SAMD3: variants seen among roughly 807,000 people sequenced by gnomAD.
SAMD3 encodes sterile alpha motif domain containing 3.
In SAMD3, 63 loss-of-function variants were observed where a neutral mutation model predicts 58.5. That is an observed-to-expected ratio of 1.08 (90% CI 0.88 to 1.33). The LOEUF is 1.33. Ranked by LOEUF, SAMD3 falls within the 40% of genes most tolerant of loss-of-function variation. The pLI, the probability that SAMD3 is intolerant of heterozygous loss-of-function variation, is 0.00. For synonymous variants in SAMD3, 220 were observed against 210.3 expected (o/e 1.05, Z -0.40); for missense variants, 604 against 608.4 (o/e 0.99, Z 0.08).
At chr6:130,260,037 T>C (rs1457065623) in intron 2 of SAMD3, among the ~76,000 whole-genome samples, 3 of 152,242 alleles carry the variant, frequency 2.0e-5, no homozygotes, top group Non-Finnish European at 4.4e-5. Context: ...TCTTTTGAAC[T>C]ATTGAGTTCT....
chr6:130,211,057 T>C (rs1171239065), intron 4 of SAMD3, among the ~76,000 whole-genome samples: 1 of 150,718 alleles, frequency 6.6e-6, no homozygotes, highest in Non-Finnish European at 1.5e-5. Context: ...GAGGCAGAGG[T>C]TGCAGTGAGC....
intron 2 of SAMD3, among the ~76,000 whole-genome samples, chr6:130,287,142 A>ATGG (rs1284735373): frequency 6.6e-6 from 1 of 152,100 alleles, no homozygotes; most frequent in Non-Finnish European, 1.5e-5. Context: ...ATGAGCATAT[A>ATGG]TGGTATGTAC....
chr6:130,179,971 T>A (rs1208607845), intron 7 of SAMD3, among the ~76,000 whole-genome samples: 1 of 151,970 alleles, frequency 6.6e-6, no homozygotes, highest in Non-Finnish European at 1.5e-5. Context: ...CCTGCCACCA[T>A]GCCCAGCTAA....
intron 5 of SAMD3, among the ~76,000 whole-genome samples, chr6:130,190,149 GAACTC>G (rs1488907213): frequency 1.4e-4 from 21 of 152,208 alleles, no homozygotes; most frequent in African/African-American, 4.8e-4. Flanking sequence ...AAAGATAAAA[GAACTC>G]AACAGATTTT....
At chr6:130,217,313 G>A (rs952919390) in intron 1 of SAMD3, among the ~76,000 whole-genome samples, 3 of 152,058 alleles carry the variant, frequency 2.0e-5, no homozygotes, top group Non-Finnish European at 4.4e-5. Flanking sequence ...AATGAGAAAA[G>A]ATATATCTGG....
chr6:130,282,463 GTGAC>G (rs776261748), intron 2 of SAMD3, among the ~76,000 whole-genome samples: 9 of 152,178 alleles, frequency 5.9e-5, no homozygotes, highest in Non-Finnish European at 1.3e-4. Flanking sequence ...ATGAGCTGTT[GTGAC>G]TGCCCTGAAG....
intron 1 of SAMD3, 121 bp from the exon 2 acceptor site, chr6:130,216,737 T>C (rs1796025721): frequency 6.6e-6 from 1 of 152,158 alleles, no homozygotes; most frequent in South Asian, 2.1e-4. Flanking sequence ...ATTTCAGCAG[T>C]GGATTTAATT....
Position 130,144,681 on chromosome 6 carries a change from C to T in SAMD3, c.1402G>A (p.Ala468Thr), listed in dbSNP as rs750333082. ...AATACATGAAAGGCAGCTACTAGCGCAGCCAAGGCTGTAACACAGTCGTCC... is the reference window on the plus strand; with the variant it reads ...AATACATGAAAGGCAGCTACTAGCGTAGCCAAGGCTGTAACACAGTCGTCC... ...KVDDCVTALA[A>T]LVAAFHVFRI... is the part of the protein sequence containing the mutation. Residue 468 changes from alanine to threonine, a missense_variant, in exon 12 of 12, where the codon GCG becomes ACG. Physicochemically the swap from Ala to Thr is moderately conservative, Grantham distance 58. Coordinates refer to ENST00000439090, the MANE Select transcript of SAMD3 (RefSeq NM_001017373.4). 5 of 1,614,044 alleles carry T rather than the reference C, an allele frequency of 3.1e-6. No homozygotes were observed. The highest frequency in any genetic ancestry group is 1.3e-5 in the African/African-American group (1 of 74,932).
chr6:130,350,166 C>T (rs1347749214), intron 1 of SAMD3, among the ~76,000 whole-genome samples: 1 of 152,150 alleles, frequency 6.6e-6, no homozygotes, highest in Non-Finnish European at 1.5e-5. Flanking sequence ...TGGCACAAGA[C>T]AGGGATGCCC....
intron 1 of SAMD3, chr6:130,221,668 CTCG>C (rs1293724041): frequency 6.6e-6 from 1 of 152,080 alleles, no homozygotes; most frequent in Non-Finnish European, 1.5e-5. Flanking sequence ...GATCTTCATA[CTCG>C]TCGTCTTGCA....
upstream of SAMD3, chr6:130,365,521 G>A (rs373460526): frequency 3.0e-6 from 3 of 985,300 alleles, no homozygotes; most frequent in Non-Finnish European, 3.6e-6. Context: ...CGTCCGAGGG[G>A]CGTGGAGCCA....
chr6:130,168,594 A>C (rs1319700014), intron 8 of SAMD3, among the ~76,000 whole-genome samples: 1 of 152,174 alleles, frequency 6.6e-6, no homozygotes, highest in Non-Finnish European at 1.5e-5. Flanking sequence ...CCTTCCCAAG[A>C]TCTTCCTCCA....
intron 1 of SAMD3, among the ~76,000 whole-genome samples, chr6:130,337,017 A>G (rs1418188152): frequency 6.6e-6 from 1 of 152,230 alleles, no homozygotes; most frequent in Non-Finnish European, 1.5e-5. Flanking sequence ...CAAATTGGGC[A>G]ATGTTGGTTT....
chr6:130,202,792 C>T (rs1582908329), intron 5 of SAMD3, among the ~76,000 whole-genome samples: 1 of 152,214 alleles, frequency 6.6e-6, no homozygotes, highest in Non-Finnish European at 1.5e-5. Context: ...AGGTTCTACA[C>T]ATGCAAGTGG....
intron 1 of SAMD3, among the ~76,000 whole-genome samples, chr6:130,320,007 C>T (rs1229484221): frequency 6.6e-6 from 1 of 151,912 alleles, no homozygotes; most frequent in Non-Finnish European, 1.5e-5. Context: ...CACACATGCA[C>T]ACACACACGT....
intron 9 of SAMD3, among the ~76,000 whole-genome samples, chr6:130,148,343 C>T (rs1296275181): frequency 3.9e-5 from 6 of 152,202 alleles, no homozygotes; most frequent in Admixed American, 2.6e-4. Flanking sequence ...TAGAATTGCT[C>T]GAATTGCCCA....
At chr6:130,213,596 A>G (rs1017315214) in intron 4 of SAMD3, among the ~76,000 whole-genome samples, 6 of 152,220 alleles carry the variant, frequency 3.9e-5, no homozygotes, top group Non-Finnish European at 8.8e-5. Flanking sequence ...AAATCTTGAA[A>G]ATGGAAAAAT....
chr6:130,273,769 G>T (rs1774667302), intron 2 of SAMD3, among the ~76,000 whole-genome samples: 1 of 151,714 alleles, frequency 6.6e-6, no homozygotes, highest in Non-Finnish European at 1.5e-5. Context: ...TGCTTTAATT[G>T]CATGCAAATA....
Position 130,344,825 on chromosome 6 carries a change from C to CAAAA in SAMD3, c.-304+20291_-304+20294dup, listed in dbSNP as rs56795907. Among the ~76,000 whole-genome samples, 25 of 41,098 alleles carry CAAAA rather than the reference C, an allele frequency of 6.1e-4. 1 individual carries two copies. The highest frequency in any genetic ancestry group is 3.0e-3 in the South Asian group (2 of 664). The allele number at this position is 41,098 out of a possible 152,430, so 27.0% of individuals were successfully genotyped here. A position where few individuals can be genotyped will look rare whatever the true frequency, so the allele number is the denominator to read the frequency against. On this transcript the variant is annotated intron_variant, in intron 1 of 13. Transcript: ENST00000368134. ...AAGGAAGCAGAAAGAACAACAACAG[C>CAAAA]AAAAAAAAAAAAAAAAAAAAAAAAA... is the stretch of plus-strand genomic sequence containing the variant.
Sources: allele counts gnomAD v4.1 joint callset (sites outside exome capture counted in the v4.1 genomes callset), GRCh38; gene constraint gnomAD v4.1.1; transcripts MANE v1.5; gene names NCBI Gene and HGNC (gene_info 2026-07-23, HGNC 2026-07-21).